Variants in LZTR1 observed in about 807,000 individuals in gnomAD.
LZTR1 encodes leucine-zipper-like transcriptional regulator 1.
A neutral mutation model predicts 105.7 loss-of-function variants in LZTR1; 260 were observed. That is an observed-to-expected ratio of 2.46 (90% confidence interval 2.22 to 2.72). LZTR1 has a LOEUF of 2.72. Ranked by LOEUF, LZTR1 falls within the 30% of genes most tolerant of loss-of-function variation. The pLI, the probability that LZTR1 is intolerant of heterozygous loss-of-function variation, is 0.00. For synonymous variants in LZTR1, 490 were observed against 476.4 expected (o/e 1.03, Z -0.37); for missense variants, 1,214 against 1,166.9 (o/e 1.04, Z -0.59).
rs178292 is a variant in LZTR1 at position 20,994,748 on chromosome 22, A to T, written c.1785+21A>T. On this transcript the variant is annotated intron_variant, in intron 15 of 20. Coordinates refer to ENST00000646124, the MANE Select transcript of LZTR1 (RefSeq NM_006767.4). ...TCAAGGTGTGGGGTGGGGTCAGCGC[A>T]ATCAGGGTTGGGTGGGGTGTGCTCA... The T allele has an allele frequency of 8.1e-6, 13 of 1,609,400 alleles. No individual in the cohort carries two copies. The East Asian group carries it at 2.7e-4, about 33-fold the overall frequency.
At chr22:20,983,366 A>G (rs756395456) in intron 2 of LZTR1, among the ~76,000 whole-genome samples, 3 of 152,334 alleles carry the variant, frequency 2.0e-5, no homozygotes, top group South Asian at 2.1e-4. Flanking sequence ...CCTTGAAAGA[A>G]ACACAACCAC....
chr22:20,990,252 A>C (rs1034816522), intron 7 of LZTR1, 134 bp from the exon 8 acceptor site: 10 of 1,037,706 alleles, frequency 9.6e-6, no homozygotes, highest in Admixed American at 3.6e-5. Context: ...AGCTGTTCCA[A>C]GACAAAGGAA....
rs748538968 is a variant in LZTR1, at chr22:20,995,962, G to C, written c.2070-1G>C. The C allele has an allele frequency of 1.2e-6, 2 of 1,613,598 alleles. No homozygotes were observed. Among genetic ancestry groups the C allele is most frequent in the Admixed American group, 1.7e-5 (1 of 60,006 alleles). ...AGGTGCCTACCGCTCGTTGTCTGCA[G>C]CTACTTTGAAGCCATGTTCCGGTCC... On this transcript the variant is annotated splice_acceptor_variant, in intron 17 of 20. Coordinates refer to ENST00000646124, the MANE Select transcript of LZTR1 (RefSeq NM_006767.4). LOFTEE classifies it high-confidence loss of function.
At position 20,996,080 on chromosome 22, in the gene LZTR1, C is replaced by T. The variant is rs117346988; in HGVS notation, c.2187C>T (p.Tyr729=). The part of the protein sequence containing the change: ...AFESMLRYIY[Y]GEVNMPPEDS... ...AGTCCATGCTGCGCTACATCTACTA[C>T]GGCGAGGTCAACATGCCGCCCGAGG... The change falls in exon 18 of 21, where the codon TAC becomes TAT. Residue 729 remains tyrosine, a synonymous_variant. Coordinates refer to ENST00000646124, the MANE Select transcript of LZTR1 (RefSeq NM_006767.4). 3.0e-3 allele frequency: 4,883 copies of T among 1,613,168 alleles called. 13 individuals carry two copies. The highest frequency in any genetic ancestry group is 3.8e-3 in the Non-Finnish European group (4,437 of 1,180,012).
chr22:20,983,140 G>A, intron 2 of LZTR1, 51 bp downstream of exon 2: 1 of 1,520,610 alleles, frequency 6.6e-7, no homozygotes, highest in Non-Finnish European at 9.1e-7. Context: ...GAAGTACTGT[G>A]GTCAGGGACT....
In LZTR1 at chr22:20,995,283, C is replaced by T. The variant is rs74759196; in HGVS notation, c.1942+257C>T. ...AATTTCTGGGGGTGGACATGGGGCA[C>T]CTCTTTCGGGCTAGGATGTCAGGTC... On this transcript the variant is annotated intron_variant, in intron 16 of 20. Transcript: ENST00000646124. 5,362 of 679,420 alleles carry T rather than the reference C, an allele frequency of 7.9e-3. 202 individuals carry two copies. In the African/African-American group the frequency reaches 0.083, roughly 11 times the overall value. The allele number at this position is 679,420 out of a possible 1,614,324, so 42.1% of individuals were successfully genotyped here. A position where few individuals can be genotyped will look rare whatever the true frequency, so the allele number is the denominator to read the frequency against.
rs75959644 is a variant in LZTR1 at position 20,993,762 on chromosome 22, C to G, written c.1353+8C>G. On this transcript the variant is annotated splice_region_variant and intron_variant, in intron 12 of 20. Coordinates refer to ENST00000646124, the MANE Select transcript of LZTR1 (RefSeq NM_006767.4). ...GAGTTCGTGCTGGGTGAGGTGGGTG[C>G]CTGTCCTCGCACCCTGCTCTGCCTG... is the stretch of plus-strand genomic sequence containing the variant. The G allele has an allele frequency of 6.2e-4, 996 of 1,610,426 alleles. 15 individuals carry two copies. The East Asian group carries it at 0.02, about 32-fold the overall frequency.
Position 20,983,068 on chromosome 22 carries a change from A to C in LZTR1, c.242A>C (p.Tyr81Ser). The stretch of plus-strand genomic sequence containing the variant: ...GTGGTGGCCTATAAAGATGCCATTT[A>C]TGTATTTGGTGGAGACAATGGGTGA... ...HTVVAYKDAI[Y>S]VFGGDNGKTM... The change falls in exon 2 of 21, where the codon TAT becomes TCT. Residue 81 changes from tyrosine (Y) to serine (S), a missense_variant. Transcript: ENST00000646124. 6.2e-7 allele frequency: 1 copy of C among 1,614,036 alleles called. No homozygotes were observed. The highest frequency in any genetic ancestry group is 8.5e-7 in the Non-Finnish European group (1 of 1,179,942).
chr22:20,983,458 T>C (rs1260289738), intron 2 of LZTR1, among the ~76,000 whole-genome samples: 3 of 152,230 alleles, frequency 2.0e-5, no homozygotes, highest in Admixed American at 6.5e-5. Context: ...ATTTCATGCA[T>C]TTTTCACTTT....
intron 11 of LZTR1, 146 bp from the exon 12 acceptor site, chr22:20,993,516 G>T (rs1601720643): frequency 1.6e-6 from 1 of 638,638 alleles, no homozygotes; most frequent in Non-Finnish European, 2.8e-6. Context: ...GGTAGCGGCT[G>T]CTTCCTCTCC....
intron 10 of LZTR1, chr22:20,992,571 C>A (rs958457106): frequency 3.6e-5 from 24 of 669,218 alleles, no homozygotes; most frequent in Non-Finnish European, 5.0e-6. Context: ...GGCCCAAGTG[C>A]CCTGACCACT....
At position 20,994,846 on chromosome 22, in the gene LZTR1, CCTGCCTGTGCCTGT is replaced by C. The variant is rs1044534515; in HGVS notation, c.1786-18_1786-5del. The C allele has an allele frequency of 6.2e-7, 1 of 1,611,856 alleles. No individual in the cohort carries two copies. ...TGGGGCCCTGGCTTGACTCTGCCTGCCTGCCTGTGCCTGTCTGCCCCAGGAGCACTGCCTGAACT... is the reference window on the plus strand; with the variant it reads ...TGGGGCCCTGGCTTGACTCTGCCTGCCTGCCCCAGGAGCACTGCCTGAACT... On this transcript the variant is annotated splice_polypyrimidine_tract_variant and intron_variant, in intron 15 of 20. Transcript: ENST00000646124.
chr22:20,994,508 C>T (rs770738927), intron 14 of LZTR1, 50 bp from the exon 15 acceptor site: 1 of 1,580,964 alleles, frequency 6.3e-7, no homozygotes, highest in Admixed American at 1.7e-5. Flanking sequence ...CGCCCTGTGC[C>T]CTGCCCTCCC....
At position 20,993,997 on chromosome 22, in the gene LZTR1, A is replaced by G. The variant is rs774408200; in HGVS notation, c.1427A>G (p.Gln476Arg). The change falls in exon 13 of 21, where the codon CAG becomes CGG. Residue 476 changes from glutamine to arginine, a missense_variant. By Grantham distance (43) the Gln-to-Arg change is conservative (BLOSUM62 1). Coordinates refer to ENST00000646124, the MANE Select transcript of LZTR1 (RefSeq NM_006767.4). ...CGCTGGCTTCGCAGGAAGATCACGC[A>G]GGCGCGGGAGAGGCTGGCCCAGGTG... ...RSRWLRRKIT[Q>R]ARERLAQKLE... 14 of 1,611,064 alleles carry G rather than the reference A, an allele frequency of 8.7e-6. No homozygotes were observed. The highest frequency in any genetic ancestry group is 1.1e-5 in the Non-Finnish European group (13 of 1,179,454).
intron 14 of LZTR1, 115 bp from the exon 15 acceptor site, chr22:20,994,442 AG>A: frequency 7.7e-7 from 1 of 1,302,158 alleles, no homozygotes; most frequent in Non-Finnish European, 1.1e-6. Flanking sequence ...GAGTCCCCCG[AG>A]GCCTTGTTCC....
In LZTR1 at chr22:20,993,935, C is replaced by T. The variant is rs1386837360; in HGVS notation, c.1365C>T (p.Cys455=). 4.3e-6 allele frequency: 7 copies of T among 1,611,866 alleles called. No individual in the cohort carries two copies. The highest frequency in any genetic ancestry group is 2.7e-5 in the African/African-American group (2 of 74,944). The part of the protein sequence containing the change: ...VEFVLGEKEE[C]VQGHVAIVTA... ...CATTCTTTGTGCAGAAGGAGGAGTG[C>T]GTGCAGGGCCACGTAGCCATTGTCA... The change falls in exon 13 of 21, where the codon TGC becomes TGT. Residue 455 remains cysteine, a synonymous_variant. Transcript: ENST00000646124.
intron 16 of LZTR1, 102 bp downstream of exon 16, chr22:20,995,128 G>T (rs375143712): frequency 2.2e-6 from 3 of 1,355,184 alleles, no homozygotes; most frequent in African/African-American, 2.9e-5. Context: ...CCCTCGGGGT[G>T]GGGGTGGGTG....
chr22:20,997,248 C>A lies in LZTR1; in HGVS notation c.2423C>A (p.Thr808Asn), dbSNP rs1041569569. 2 of 1,613,528 alleles carry A rather than the reference C, an allele frequency of 1.2e-6. No individual in the cohort carries two copies. Among genetic ancestry groups the A allele is most frequent in the Non-Finnish European group, 8.5e-7 (1 of 1,179,572 alleles). The change falls in exon 21 of 21, where the codon ACC (threonine) becomes AAC (asparagine). Residue 808 changes from threonine (T) to asparagine (N), a missense_variant. By Grantham distance (65) the Thr-to-Asn change is moderately conservative. Transcript: ENST00000646124. ...HQFTKVSKLP[T>N]LRSLSQQLLL... ...GCCTTACAGGTCTCCAAGTTGCCCA[C>A]CCTGCGGTCGCTGAGCCAGCAGCTG...
In LZTR1 at chr22:20,991,702, T is replaced by G; in HGVS notation, c.866T>G (p.Met289Arg). The stretch of plus-strand genomic sequence containing the variant: ...CCGCAGCGGCGCTACGGGCATACCA[T>G]GGTGGCCTTTGACCGCCACCTCTAT... The part of the protein sequence containing the change: ...PPPQRRYGHT[M>R]VAFDRHLYVF... Residue 289 changes from methionine to arginine, a missense_variant, in exon 9 of 21, where the codon ATG becomes AGG. Physicochemically the swap from Met to Arg is moderately conservative, Grantham distance 91. Transcript: ENST00000646124. 6.3e-7 allele frequency: 1 copy of G among 1,596,858 alleles called. No individual in the cohort carries two copies. The highest frequency in any genetic ancestry group is 1.1e-5 in the South Asian group (1 of 88,250).
Sources: allele counts gnomAD v4.1 joint callset (sites outside exome capture counted in the v4.1 genomes callset), GRCh38; gene constraint gnomAD v4.1.1; transcripts MANE v1.5; gene names NCBI Gene and HGNC (gene_info 2026-07-23, HGNC 2026-07-21).